Variants in ANKRD6 observed in about 807,000 individuals in gnomAD.
The protein encoded by ANKRD6 is ankyrin repeat domain-containing protein 6.
Under a neutral mutation model 82.3 loss-of-function variants are expected in ANKRD6, and 56 were observed. The ratio of observed to expected loss-of-function variants is 0.68; its 90% CI spans 0.55 to 0.85. ANKRD6 has a LOEUF of 0.85. Ranked by LOEUF, ANKRD6 falls within the 40% of genes least tolerant of loss-of-function variation. The probability of loss-of-function intolerance (pLI) is 0.00; values close to 1 mark genes in which losing one functional copy is unlikely to be tolerated. For synonymous variants in ANKRD6, 347 were observed against 352.1 expected, an observed-to-expected ratio of 0.99 and a Z score of 0.16; for missense variants, 852 against 907.6, an observed-to-expected ratio of 0.94 and a Z score of 0.79.
intron 10 of ANKRD6, 99 bp downstream of exon 10, chr6:89,622,125 C>A (rs1443936754): frequency 1.0e-6 from 1 of 990,728 alleles, no homozygotes; most frequent in Non-Finnish European, 1.5e-6. Context: ...GGCTGCCCGG[C>A]CCTCTCTGCC....
At chr6:89,516,294 C>G (rs1781201350) in intron 1 of ANKRD6, among the ~76,000 whole-genome samples, 1 of 152,184 alleles carries the variant, frequency 6.6e-6, no homozygotes, top group South Asian at 2.1e-4. Flanking sequence ...GTTGACTTCT[C>G]CCTGCCTGAG....
intron 2 of ANKRD6, among the ~76,000 whole-genome samples, chr6:89,591,734 G>C (rs985126866): frequency 1.3e-5 from 2 of 152,198 alleles, no homozygotes; most frequent in Non-Finnish European, 1.5e-5. Context: ...CCTTTGGTAG[G>C]TGGTGTGTGT....
At chr6:89,604,329 C>CAAAA (rs1215491878) in intron 4 of ANKRD6, among the ~76,000 whole-genome samples, 1 of 144,254 alleles carries the variant, frequency 6.9e-6, no homozygotes, top group Non-Finnish European at 1.5e-5. Flanking sequence ...ACTCTTGTCT[C>CAAAA]AAAAAAAAAA....
chr6:89,435,273 C>T (rs1296304266), intron 1 of ANKRD6, among the ~76,000 whole-genome samples: 6 of 152,122 alleles, frequency 3.9e-5, no homozygotes, highest in African/African-American at 9.7e-5. Context: ...CACCCAAGTA[C>T]GAGTCACCCG....
chr6:89,531,067 A>G (rs1184918723), intron 1 of ANKRD6, among the ~76,000 whole-genome samples: 1 of 152,242 alleles, frequency 6.6e-6, no homozygotes, highest in Non-Finnish European at 1.5e-5. Context: ...AGTAAAGGAT[A>G]CATGATAAAT....
At chr6:89,482,737 TCTTTGTATC>T (rs1776953876) in intron 1 of ANKRD6, among the ~76,000 whole-genome samples, 1 of 152,180 alleles carries the variant, frequency 6.6e-6, no homozygotes, top group African/African-American at 2.4e-5. Flanking sequence ...ATAAATCTAC[TCTTTGTATC>T]CTTCATGTAT....
At chr6:89,475,436 T>C (rs989456056) in intron 1 of ANKRD6, among the ~76,000 whole-genome samples, 12 of 152,338 alleles carry the variant, frequency 7.9e-5, no homozygotes, top group Admixed American at 6.5e-4. Flanking sequence ...TTATTTCAAT[T>C]GATTCTGTTT....
chr6:89,570,012 T>G (rs1275244774), intron 2 of ANKRD6, among the ~76,000 whole-genome samples: 1 of 152,058 alleles, frequency 6.6e-6, no homozygotes, highest in Admixed American at 6.6e-5. Flanking sequence ...TTTAGTGAAG[T>G]CAAGTTTAAT....
chr6:89,517,299 T>C (rs1014668706), intron 1 of ANKRD6, among the ~76,000 whole-genome samples: 1 of 152,276 alleles, frequency 6.6e-6, no homozygotes, highest in Admixed American at 6.5e-5. Flanking sequence ...ATAATTTTAT[T>C]GCATTGTTTC....
intron 1 of ANKRD6, among the ~76,000 whole-genome samples, chr6:89,476,440 T>G (rs1776046498): frequency 6.6e-6 from 1 of 152,180 alleles, no homozygotes. Flanking sequence ...CCGCCCACTT[T>G]GACCTCCCAA....
At chr6:89,544,511 G>A (rs1232565927) in intron 1 of ANKRD6, among the ~76,000 whole-genome samples, 1 of 151,650 alleles carries the variant, frequency 6.6e-6, no homozygotes, top group Admixed American at 6.6e-5. Context: ...TCAGGAGATC[G>A]AGACCATCCT....
chr6:89,495,177 G>A (rs1388514093), intron 1 of ANKRD6, among the ~76,000 whole-genome samples: 3 of 152,332 alleles, frequency 2.0e-5, no homozygotes, highest in African/African-American at 4.8e-5. Flanking sequence ...AGCTTGCAGC[G>A]AGCCAAGATT....
rs71024383 is a variant in ANKRD6, at chr6:89,578,286, C to CTTTTTTTTTTTTTTT, written c.120+11202_120+11216dup. On this transcript the variant is annotated intron_variant, in intron 2 of 15. Transcript: ENST00000339746. Reference sequence around the variant, plus strand: ...ATTAGCTTTTTCCCCCTCCCGCCTCCTTTTTTTTTTTTTTTTTTTTTTTTT... The same window carrying CTTTTTTTTTTTTTTT: ...ATTAGCTTTTTCCCCCTCCCGCCTCCTTTTTTTTTTTTTTTTTTTTTTTTTTTTTTTTTTTTTTTT... Among the ~76,000 whole-genome samples the CTTTTTTTTTTTTTTT allele has an allele frequency of 1.7e-5, 2 of 119,098 alleles. 1 individual carries two copies. The highest frequency in any genetic ancestry group is 3.4e-5 in the Non-Finnish European group (2 of 58,470). 78.1% of individuals were successfully genotyped at this position (119,098 alleles called of 152,430 possible). A position where few individuals can be genotyped will look rare whatever the true frequency, so the allele number is the denominator to read the frequency against.
In ANKRD6 at chr6:89,501,251, G is replaced by A. The variant is rs1365961361; in HGVS notation, c.-143-65583G>A. ...ATGGAAGCCTAAGGCTTGTTTCTAC[G>A]TATTTCCAGGGTTTTGTTCTTTAAG... On this transcript the variant is annotated intron_variant, in intron 1 of 15. Transcript: ENST00000339746. Among the ~76,000 whole-genome samples, 7 of 152,116 alleles carry A rather than the reference G, an allele frequency of 4.6e-5. No individual in the cohort carries two copies. The East Asian group carries it at 9.6e-4, about 21-fold the overall frequency.
intron 1 of ANKRD6, among the ~76,000 whole-genome samples, chr6:89,496,795 G>C (rs1562641426): frequency 6.6e-6 from 1 of 152,134 alleles, no homozygotes; most frequent in Non-Finnish European, 1.5e-5. Context: ...AAATCCTACT[G>C]TCTGTTTTCA....
rs1334836050 is a variant in ANKRD6, at chr6:89,616,589, G to T, written c.646G>T (p.Ala216Ser). 2 of 1,614,032 alleles carry T rather than the reference G, an allele frequency of 1.2e-6. No homozygotes were observed. Among genetic ancestry groups the T allele is most frequent in the East Asian group, 4.5e-5 (2 of 44,882 alleles). ...AGDTALHVAAALNHKKVAKIL... is the reference protein window; with the variant it reads ...AGDTALHVAASLNHKKVAKIL... ...AGACACAGCACTTCACGTTGCTGCTGCCCTAAATCACAAGAAGGTGGCCAA... is the reference window on the plus strand; with the variant it reads ...AGACACAGCACTTCACGTTGCTGCTTCCCTAAATCACAAGAAGGTGGCCAA... Residue 216 changes from alanine to serine, a missense_variant, in exon 8 of 16, where the codon GCC becomes TCC. Ala to Ser is a moderately conservative substitution (Grantham distance 99, BLOSUM62 1). Coordinates refer to ENST00000339746, the MANE Select transcript of ANKRD6 (RefSeq NM_001242809.2).
At chr6:89,530,925 T>C (rs995115278) in intron 1 of ANKRD6, among the ~76,000 whole-genome samples, 6 of 152,226 alleles carry the variant, frequency 3.9e-5, no homozygotes, top group Non-Finnish European at 7.3e-5. Flanking sequence ...CAGATCTATT[T>C]ATTAAATTCA....
At chr6:89,459,210 C>A (rs934845146) in intron 1 of ANKRD6, among the ~76,000 whole-genome samples, 2 of 152,154 alleles carry the variant, frequency 1.3e-5, no homozygotes, top group African/African-American at 4.8e-5. Flanking sequence ...TCCCGAGTAG[C>A]TGGGATTACA....
At chr6:89,484,557 C>A (rs1777155187) in intron 1 of ANKRD6, among the ~76,000 whole-genome samples, 1 of 152,216 alleles carries the variant, frequency 6.6e-6, no homozygotes, top group Non-Finnish European at 1.5e-5. Context: ...AAAACATTTT[C>A]TTAATAAAAT....
Sources: allele counts gnomAD v4.1 joint callset (sites outside exome capture counted in the v4.1 genomes callset), GRCh38; gene constraint gnomAD v4.1.1; transcripts MANE v1.5; gene names NCBI Gene and HGNC (gene_info 2026-07-23, HGNC 2026-07-21).